The following SCAF8 variants were observed in gnomAD, a reference collection of about 807,000 sequenced individuals.
SCAF8 encodes SR-related CTD associated factor 8.
A neutral mutation model predicts 140.5 loss-of-function variants in SCAF8; 23 were observed. That is an observed-to-expected ratio of 0.16 (90% CI 0.12 to 0.23). SCAF8 has a LOEUF of 0.23. SCAF8 is among the 10% of genes least tolerant of loss of function. SCAF8 has a pLI of 1.00. For missense variants in SCAF8, 1,397 were observed against 1,555.7 expected (o/e 0.90, Z 1.72); for synonymous variants, 575 against 528.9 (o/e 1.09, Z -1.20).
intron 1 of SCAF8, among the ~76,000 whole-genome samples, chr6:154,750,259 C>T (rs1462283415): frequency 6.6e-6 from 1 of 152,064 alleles, no homozygotes; most frequent in African/African-American, 2.4e-5. Flanking sequence ...GTTTGTACAT[C>T]TTGAATATTT....
Position 154,733,867 on chromosome 6 carries a change from C to A in SCAF8, c.-34C>A, listed in dbSNP as rs754831911. ...CCCAGTGCAGTGGCCGCCGCCTCTT[C>A]CGCCGCCGGGCTCGGGGCCTCCGCA... On this transcript the variant is annotated 5_prime_UTR_variant, in exon 1 of 20. Transcript: ENST00000367178. The A allele has an allele frequency of 1.9e-6, 3 of 1,544,316 alleles. No homozygotes were observed. Among genetic ancestry groups the A allele is most frequent in the Non-Finnish European group, 1.7e-6 (2 of 1,150,916 alleles).
intron 17 of SCAF8, among the ~76,000 whole-genome samples, chr6:154,826,355 C>T (rs995469685): frequency 6.6e-6 from 1 of 151,802 alleles, no homozygotes; most frequent in Non-Finnish European, 1.5e-5. Flanking sequence ...TTTTTAGCCA[C>T]TTTTTAAAAT....
chr6:154,776,372 G>A (rs1296371427), intron 2 of SCAF8, among the ~76,000 whole-genome samples: 1 of 151,718 alleles, frequency 6.6e-6, no homozygotes, highest in Non-Finnish European at 1.5e-5. Flanking sequence ...TTCATATTGA[G>A]GTAAGTCATT....
intron 1 of SCAF8, among the ~76,000 whole-genome samples, chr6:154,769,452 C>A (rs1346916233): frequency 1.3e-5 from 2 of 152,148 alleles, no homozygotes; most frequent in African/African-American, 4.8e-5. Flanking sequence ...CTTCATTACC[C>A]TAGTAATATA....
intron 1 of SCAF8, among the ~76,000 whole-genome samples, chr6:154,758,872 C>T (rs1365820269): frequency 6.6e-6 from 1 of 152,200 alleles, no homozygotes; most frequent in Admixed American, 6.5e-5. Flanking sequence ...TCCTCCTCTA[C>T]AGCATGGAGG....
chr6:154,803,321 C>A (rs1168222909), intron 7 of SCAF8, among the ~76,000 whole-genome samples: 1 of 152,004 alleles, frequency 6.6e-6, no homozygotes, highest in East Asian at 1.9e-4. Flanking sequence ...TTTATCCTGC[C>A]TCTATCATAA....
chr6:154,762,843 TGTG>T (rs796988441), intron 1 of SCAF8, among the ~76,000 whole-genome samples: 90 of 152,324 alleles, frequency 5.9e-4, no homozygotes, highest in African/African-American at 2.1e-3. Flanking sequence ...ACATTTTAGT[TGTG>T]GTGGTTACCG....
intron 15 of SCAF8, among the ~76,000 whole-genome samples, chr6:154,820,752 T>C (rs2114674201): frequency 6.6e-6 from 1 of 152,322 alleles, no homozygotes; most frequent in South Asian, 2.1e-4. Context: ...GGAGTTCAGA[T>C]GCATACAATG....
intron 4 of SCAF8, 22 bp from the exon 5 acceptor site, chr6:154,792,801 T>G: frequency 6.4e-7 from 1 of 1,552,760 alleles, no homozygotes; most frequent in Admixed American, 1.9e-5. Flanking sequence ...AACCAAAATG[T>G]CATGTTTCTT....
At chr6:154,785,089 TA>T (rs1777211843) in intron 3 of SCAF8, among the ~76,000 whole-genome samples, 1 of 152,256 alleles carries the variant, frequency 6.6e-6, no homozygotes, top group African/African-American at 2.4e-5. Context: ...TTAAATTTTT[TA>T]ATGTAATCCT....
chr6:154,735,333 G>C (rs1039155480), intron 1 of SCAF8, among the ~76,000 whole-genome samples: 4 of 151,944 alleles, frequency 2.6e-5, no homozygotes, highest in Non-Finnish European at 4.4e-5. Flanking sequence ...GTTTTATCTT[G>C]TTTTAATTTC....
Position 154,776,788 on chromosome 6 carries a change from GTTA to G in SCAF8, c.115-1208_115-1206del, listed in dbSNP as rs375395775. On this transcript the variant is annotated intron_variant, in intron 2 of 19. Coordinates refer to ENST00000367178, the MANE Select transcript of SCAF8 (RefSeq NM_014892.5). ...GTTCATGATGTTTTCTTTTCTTTTTGTTATTATAAATACTGGATTTAGTGCTGA... is the reference window on the plus strand; with the variant it reads ...GTTCATGATGTTTTCTTTTCTTTTTGTTATAAATACTGGATTTAGTGCTGA... 1.0e-3 allele frequency among the ~76,000 whole-genome samples: 152 copies of G among 152,150 alleles called. 3 individuals are homozygous for G. The East Asian group carries it at 0.019, about 19-fold the overall frequency.
At chr6:154,734,543 A>G (rs139826549) in intron 1 of SCAF8, among the ~76,000 whole-genome samples, 83 of 152,310 alleles carry the variant, frequency 5.4e-4, no homozygotes, top group African/African-American at 1.9e-3. Flanking sequence ...CTCCTCTTCT[A>G]ATCCATCACG....
At chr6:154,753,126 C>G (rs536458235) in intron 1 of SCAF8, among the ~76,000 whole-genome samples, 2 of 151,478 alleles carry the variant, frequency 1.3e-5, no homozygotes, top group African/African-American at 2.4e-5. Flanking sequence ...GTCAGGAGTT[C>G]GAGACCAGCC....
In SCAF8 at chr6:154,733,717, C is replaced by T; in HGVS notation, c.-184C>T. On this transcript the variant is annotated 5_prime_UTR_variant, in exon 1 of 20. Coordinates refer to ENST00000367178, the MANE Select transcript of SCAF8 (RefSeq NM_014892.5). ...TAGCGGCCATGCCGGTGCCGCTCTG[C>T]CGCTGAGGGAGCCCTTCCCCGCCAG... is the stretch of plus-strand genomic sequence containing the variant. The T allele has an allele frequency of 7.6e-7, 1 of 1,320,740 alleles. No homozygotes were observed. The highest frequency in any genetic ancestry group is 2.1e-5 in the South Asian group (1 of 48,764). 81.8% of individuals were successfully genotyped at this position (1,320,740 alleles called of 1,614,324 possible).
rs532513428 is a variant in SCAF8 at position 154,823,570 on chromosome 6, G to A, written c.1927-664G>A. On this transcript the variant is annotated intron_variant, in intron 16 of 19. Transcript: ENST00000367178. The stretch of plus-strand genomic sequence containing the variant: ...TTTGGGGTTATTATGAGCAAAAGCA[G>A]AGGCAAGGTTTTTGGTCCAAGAAAT... 6.6e-5 allele frequency among the ~76,000 whole-genome samples: 10 copies of A among 152,364 alleles called. No individual in the cohort carries two copies. The South Asian group carries it at 1.9e-3, about 28-fold the overall frequency.
chr6:154,737,475 A>G (rs891381481), intron 1 of SCAF8, among the ~76,000 whole-genome samples: 1 of 152,262 alleles, frequency 6.6e-6, no homozygotes, highest in Non-Finnish European at 1.5e-5. Flanking sequence ...CAGGAGTTCC[A>G]TGCTAGCCTG....
rs759236847 is a variant in SCAF8 at position 154,812,292 on chromosome 6, C to CTT, written c.1420+2104_1420+2105dup. Among the ~76,000 whole-genome samples, 334 of 38,772 alleles carry CTT rather than the reference C, an allele frequency of 8.6e-3. 20 individuals are homozygous for CTT. Among genetic ancestry groups the CTT allele is most frequent in the Middle Eastern group, 0.033 (1 of 30 alleles). The allele number at this position is 38,772 out of a possible 152,430, so 25.4% of individuals were successfully genotyped here. A position where few individuals can be genotyped will look rare whatever the true frequency, so the allele number is the denominator to read the frequency against. On this transcript the variant is annotated intron_variant, in intron 12 of 19. Coordinates refer to ENST00000367178, the MANE Select transcript of SCAF8 (RefSeq NM_014892.5). The stretch of plus-strand genomic sequence containing the variant: ...GGTGCCTACTTTGTCTCTATGTCAG[C>CTT]TTTTTTTTTTTTTTTTTTTTTGCAA...
At chr6:154,776,373 G>A (rs1360132940) in intron 2 of SCAF8, among the ~76,000 whole-genome samples, 1 of 151,800 alleles carries the variant, frequency 6.6e-6, no homozygotes, top group East Asian at 1.9e-4. Context: ...TCATATTGAG[G>A]TAAGTCATTG....
Sources: allele counts gnomAD v4.1 joint callset (sites outside exome capture counted in the v4.1 genomes callset), GRCh38; gene constraint gnomAD v4.1.1; transcripts MANE v1.5; gene names NCBI Gene and HGNC (gene_info 2026-07-23, HGNC 2026-07-21).